FHOD1: variants seen among roughly 807,000 people sequenced by gnomAD.
FHOD1 encodes the protein formin homology 2 domain containing 1, also known as FH1/FH2 domain-containing protein 1.
A neutral mutation model predicts 111.6 loss-of-function variants in FHOD1; 89 were observed. The ratio of observed to expected loss-of-function variants is 0.80; its 90% CI spans 0.67 to 0.95. The LOEUF is 0.95. FHOD1 is among the 40% of genes least tolerant of loss of function. FHOD1 has a pLI of 0.00. For missense variants in FHOD1, 1,446 were observed against 1,554.2 expected, an observed-to-expected ratio of 0.93 and a Z score of 1.17; for synonymous variants, 618 against 639.0, an observed-to-expected ratio of 0.97 and a Z score of 0.50.
chr16:67,239,058 G>T, intron 2 of FHOD1, 91 bp from the exon 3 acceptor site: 2 of 1,269,842 alleles, frequency 1.6e-6, no homozygotes, highest in Non-Finnish European at 2.3e-6. Flanking sequence ...CCCCATGCCA[G>T]CCCCAGCCCA....
chr16:67,237,109 G>T lies in FHOD1; in HGVS notation c.999C>A (p.Ala333=), dbSNP rs898817909. 6.2e-7 allele frequency: 1 copy of T among 1,610,050 alleles called. No individual in the cohort carries two copies. Among genetic ancestry groups the T allele is most frequent in the African/African-American group, 1.3e-5 (1 of 74,670 alleles). ...CGATGTCTCCATCCTCCAATTTCAG[G>T]GCGTTCTAGCAGAGGCGGACCAGGA... ...LRTQLVLYEN[A]LKLEDGDIEE... is the part of the protein sequence containing the mutation. Residue 333 remains alanine, a synonymous_variant, in exon 10 of 22, where the codon GCC becomes GCA. Transcript: ENST00000258201. The surrounding 1 kb of genome is among the most constrained non-coding windows in gnomAD (Gnocchi z 5.6).
Position 67,231,072 on chromosome 16 carries a change from G to T in FHOD1, c.2667+116C>A. On this transcript the variant is annotated intron_variant, in intron 17 of 21. Transcript: ENST00000258201. The surrounding 1 kb of genome is among the most constrained non-coding windows in gnomAD (Gnocchi z 4.3). ...CAGAGGGCATAGCTCACACCCAGGT[G>T]GCTGGAGCAAGCCCTGGCACAGCAG... The T allele has an allele frequency of 7.5e-7, 1 of 1,339,442 alleles. No homozygotes were observed. Among genetic ancestry groups the T allele is most frequent in the Non-Finnish European group, 1.0e-6 (1 of 971,744 alleles). The allele number at this position is 1,339,442 out of a possible 1,614,324, so 83.0% of individuals were successfully genotyped here. A position where few individuals can be genotyped will look rare whatever the true frequency, so the allele number is the denominator to read the frequency against.
chr16:67,247,354 C>G lies in FHOD1; in HGVS notation c.57G>C (p.Arg19Ser). The G allele has an allele frequency of 6.2e-7, 1 of 1,613,666 alleles. No individual in the cohort carries two copies. Among genetic ancestry groups the G allele is most frequent in the Non-Finnish European group, 8.5e-7 (1 of 1,179,830 alleles). Reference protein sequence around the residue: ...DGEPVSVVTVRVQYLEDTDPF... With the variant: ...DGEPVSVVTVSVQYLEDTDPF... ...GGTCGGTGTCTTCCAGGTACTGCACCCTCACGGTCACCACTGATACCGGCT... is the reference window on the plus strand; with the variant it reads ...GGTCGGTGTCTTCCAGGTACTGCACGCTCACGGTCACCACTGATACCGGCT... The change falls in exon 1 of 22, where the codon AGG becomes AGC. Residue 19 changes from arginine to serine, a missense_variant. Physicochemically the swap from Arg to Ser is moderately radical, Grantham distance 110 (BLOSUM62 -1). Coordinates refer to ENST00000258201, the MANE Select transcript of FHOD1 (RefSeq NM_013241.3).
intron 1 of FHOD1, among the ~76,000 whole-genome samples, chr16:67,246,644 C>T (rs1159759015): frequency 6.6e-6 from 1 of 152,218 alleles, no homozygotes; most frequent in Non-Finnish European, 1.5e-5. Context: ...CTGCGGATCC[C>T]GGGCCAGACC....
Position 67,229,477 on chromosome 16 carries a change from C to G in FHOD1, c.*159G>C. On this transcript the variant is annotated 3_prime_UTR_variant, in exon 22 of 22. Coordinates refer to ENST00000258201, the MANE Select transcript of FHOD1 (RefSeq NM_013241.3). ...GCATATGCATGCACACACACACATA[C>G]ACACACACTCACATGCATACACACA... 1 of 669,150 alleles carries G rather than the reference C, an allele frequency of 1.5e-6. No homozygotes were observed. The highest frequency in any genetic ancestry group is 1.7e-5 in the South Asian group (1 of 58,668). 41.5% of individuals were successfully genotyped at this position (669,150 alleles called of 1,614,324 possible). A position where few individuals can be genotyped will look rare whatever the true frequency, so the allele number is the denominator to read the frequency against.
Position 67,232,061 on chromosome 16 carries a change from G to A in FHOD1, c.2180C>T (p.Ala727Val). Residue 727 changes from alanine (A) to valine (V), a missense_variant, in exon 14 of 22, where the codon GCT becomes GTT. By Grantham distance (64) the Ala-to-Val change is moderately conservative. Transcript: ENST00000258201. Reference protein sequence around the residue: ...KAALLNFDEFAVSKDGIEKLL... With the variant: ...KAALLNFDEFVVSKDGIEKLL... ...CACCTCAATGCCATCCTTGCTGACA[G>A]CAAACTCATCAAAGTTGAGCAGAGC... is the stretch of plus-strand genomic sequence containing the variant. The A allele has an allele frequency of 6.2e-7, 1 of 1,614,198 alleles. No individual in the cohort carries two copies. The highest frequency in any genetic ancestry group is 1.7e-5 in the Admixed American group (1 of 60,018).
In FHOD1 at chr16:67,237,630, T is replaced by TG. The variant is rs1010856875; in HGVS notation, c.754+26dup. 4 of 1,612,464 alleles carry TG rather than the reference T, an allele frequency of 2.5e-6. No homozygotes were observed. The highest frequency in any genetic ancestry group is 1.1e-5 in the South Asian group (1 of 91,018). ...AGGTAGGAGAGAGGGCTCTGAGCGGTGGGGGGAGAAAGGGACAGTCTCTGA... is the reference window on the plus strand; with the variant it reads ...AGGTAGGAGAGAGGGCTCTGAGCGGTGGGGGGGAGAAAGGGACAGTCTCTGA... On this transcript the variant is annotated intron_variant, in intron 7 of 21. Transcript: ENST00000258201. The surrounding 1 kb of genome is among the most constrained non-coding windows in gnomAD (Gnocchi z 5.6).
In FHOD1 at chr16:67,236,632, T is replaced by G; in HGVS notation, c.1244A>C (p.Gln415Pro). 1.9e-6 allele frequency: 3 copies of G among 1,612,940 alleles called. No individual in the cohort carries two copies. Among genetic ancestry groups the G allele is most frequent in the Non-Finnish European group, 2.5e-6 (3 of 1,179,632 alleles). Residue 415 changes from glutamine to proline, a missense_variant, in exon 11 of 22, where the codon CAA becomes CCA. Gln to Pro is a moderately conservative substitution (Grantham distance 76). Coordinates refer to ENST00000258201, the MANE Select transcript of FHOD1 (RefSeq NM_013241.3). ...SSPVGPPSGL[Q>P]ASVNLFPTIS... Reference sequence around the variant, plus strand: ...GGTAGGAAAAAGGTTCACTGAAGCTTGGAGACCGGAGGGAGGGCCCACAGG... The same window carrying G: ...GGTAGGAAAAAGGTTCACTGAAGCTGGGAGACCGGAGGGAGGGCCCACAGG...
At position 67,233,684 on chromosome 16, in the gene FHOD1, A is replaced by G. The variant is rs947581923; in HGVS notation, c.2019T>C (p.Ser673=). 6 of 1,601,372 alleles carry G rather than the reference A, an allele frequency of 3.7e-6. No homozygotes were observed. The highest frequency in any genetic ancestry group is 4.3e-6 in the Non-Finnish European group (5 of 1,170,212). The change falls in exon 13 of 22, where the codon TCT becomes TCC. Residue 673 remains serine (S), a synonymous_variant. Coordinates refer to ENST00000258201, the MANE Select transcript of FHOD1 (RefSeq NM_013241.3). The part of the protein sequence containing the change: ...DTARLEHLFE[S]RAKEVLPSKK... ...TGGAGGGCAGCACCTCTTTGGCACG[A>G]GACTCAAAGAGGTGTTCCAGTCGGG...
In FHOD1 at chr16:67,230,367, T is replaced by G; in HGVS notation, c.2998A>C (p.Lys1000Gln). 6.2e-7 allele frequency: 1 copy of G among 1,614,226 alleles called. No homozygotes were observed. The highest frequency in any genetic ancestry group is 1.3e-5 in the African/African-American group (1 of 75,064). ...CRERVLQQQQKQATYRERNKT... is the reference protein window; with the variant it reads ...CRERVLQQQQQQATYRERNKT... ...TTGCGCTCACGGTATGTGGCCTGCT[T>G]CTGCTGCTGCTGTAGCACTCGTTCC... Residue 1000 changes from lysine (K) to glutamine (Q), a missense_variant, in exon 19 of 22, where the codon AAG becomes CAG. Physicochemically the swap from Lys to Gln is moderately conservative, Grantham distance 53 (BLOSUM62 1). Around this residue, in one of 3 missense-constraint regions of FHOD1, gnomAD observed 1,085 missense variants for 1,108.8 expected, o/e 0.98. Transcript: ENST00000258201.
At chr16:67,246,837 A>C (rs1436401429) in intron 1 of FHOD1, 2 of 226,010 alleles carry the variant, frequency 8.8e-6, no homozygotes, top group Non-Finnish European at 1.7e-5. Flanking sequence ...CACCTGAAGC[A>C]GGTGGAAGCT....
Position 67,231,046 on chromosome 16 carries a change from G to A in FHOD1, c.2667+142C>T, listed in dbSNP as rs986595054. On this transcript the variant is annotated intron_variant, in intron 17 of 21. Coordinates refer to ENST00000258201, the MANE Select transcript of FHOD1 (RefSeq NM_013241.3). This position sits in a 1 kb window ranked among gnomAD's most constrained non-coding sequence, Gnocchi z 4.3. ...GCCAATAGAGGAAAGAGCATTTCTG[G>A]CAGAGGGCATAGCTCACACCCAGGT... 9.0e-7 allele frequency: 1 copy of A among 1,115,204 alleles called. No homozygotes were observed. Among genetic ancestry groups the A allele is most frequent in the Non-Finnish European group, 1.3e-6 (1 of 788,444 alleles). 69.1% of individuals were successfully genotyped at this position (1,115,204 alleles called of 1,614,324 possible). A position where few individuals can be genotyped will look rare whatever the true frequency, so the allele number is the denominator to read the frequency against.
intron 13 of FHOD1, among the ~76,000 whole-genome samples, 178 bp from the exon 14 acceptor site, chr16:67,232,372 A>T (rs2034312629): frequency 6.6e-6 from 1 of 152,004 alleles, no homozygotes; most frequent in African/African-American, 2.4e-5. Context: ...AAAAAAAATT[A>T]GCTGGGCGTG....
chr16:67,236,017 C>G (rs1390794649), intron 11 of FHOD1: 2 of 984,378 alleles, frequency 2.0e-6, no homozygotes, highest in African/African-American at 3.5e-5. Context: ...TGTACTTACT[C>G]CAGCCTGGCC....
Position 67,236,575 on chromosome 16 carries a change from C to T in FHOD1, c.1301G>A (p.Ser434Asn). Residue 434 changes from serine (S) to asparagine (N), a missense_variant, in exon 11 of 22, where the codon AGC becomes AAC. Physicochemically the swap from Ser to Asn is conservative, Grantham distance 46. Transcript: ENST00000258201. The part of the protein sequence containing the change: ...ISVAPSADTS[S>N]ERSIYKARFL... ...TACTTACTTGTAGATGCTCCTCTCG[C>T]TGGAGGTGTCAGCTGAGGGTGCCAC... is the stretch of plus-strand genomic sequence containing the variant. 6.2e-7 allele frequency: 1 copy of T among 1,613,426 alleles called. No homozygotes were observed.
Position 67,247,356 on chromosome 16 carries a change from T to TTC in FHOD1, c.54_55insGA (p.Arg19GlufsTer93). ...TCGGTGTCTTCCAGGTACTGCACCC[T>TTC]CACGGTCACCACTGATACCGGCTCT... is the stretch of plus-strand genomic sequence containing the variant. On this transcript the variant is annotated frameshift_variant, in exon 1 of 22. Transcript: ENST00000258201. LOFTEE classifies it high-confidence loss of function. The TTC allele has an allele frequency of 6.2e-7, 1 of 1,613,660 alleles. No individual in the cohort carries two copies. The highest frequency in any genetic ancestry group is 8.5e-7 in the Non-Finnish European group (1 of 1,179,830).
chr16:67,238,033 C>A lies in FHOD1; in HGVS notation c.642+1G>T. The A allele has an allele frequency of 6.2e-7, 1 of 1,613,782 alleles. No individual in the cohort carries two copies. The highest frequency in any genetic ancestry group is 8.5e-7 in the Non-Finnish European group (1 of 1,179,782). ...ATAAGGCTGAGTGGAGAGCCACTTA[C>A]CAGGCTGGCACACAATGTGTACAGC... On this transcript the variant is annotated splice_donor_variant, in intron 6 of 21. Coordinates refer to ENST00000258201, the MANE Select transcript of FHOD1 (RefSeq NM_013241.3). LOFTEE classifies it high-confidence loss of function. This position sits in a 1 kb window ranked among gnomAD's most constrained non-coding sequence, Gnocchi z 4.2.
Position 67,233,928 on chromosome 16 carries a change from G to C in FHOD1, c.1775C>G (p.Pro592Arg), listed in dbSNP as rs1240518516. The change falls in exon 13 of 22, where the codon CCA becomes CGA. Residue 592 changes from proline (P) to arginine (R), a missense_variant. Physicochemically the swap from Pro to Arg is moderately radical, Grantham distance 103 (BLOSUM62 -2). Coordinates refer to ENST00000258201, the MANE Select transcript of FHOD1 (RefSeq NM_013241.3). The part of the protein sequence containing the change: ...VPPPPPLPPP[P>R]PIKGPFPPPP... Reference sequence around the variant, plus strand: ...TGGTGGGAAGGGGCCTTTGATGGGTGGGGGAGGTGGAAGTGGGGGAGGGGG... The same window carrying C: ...TGGTGGGAAGGGGCCTTTGATGGGTCGGGGAGGTGGAAGTGGGGGAGGGGG... The C allele has an allele frequency of 5.7e-6, 9 of 1,580,970 alleles. No individual in the cohort carries two copies. Among genetic ancestry groups the C allele is most frequent in the East Asian group, 2.3e-5 (1 of 43,768 alleles).
chr16:67,240,626 C>T (rs912095341), intron 1 of FHOD1, among the ~76,000 whole-genome samples: 1 of 152,248 alleles, frequency 6.6e-6, no homozygotes, highest in Non-Finnish European at 1.5e-5. Flanking sequence ...GCTCCATCCA[C>T]GTGTCCATGT....
Sources: allele counts gnomAD v4.1 joint callset (sites outside exome capture counted in the v4.1 genomes callset), GRCh38; gene constraint gnomAD v4.1.1; regional missense constraint gnomAD v4.1.1; non-coding constraint Gnocchi (gnomAD v3.1); transcripts MANE v1.5; gene names NCBI Gene and HGNC (gene_info 2026-07-23, HGNC 2026-07-21).